HAUS4: variants seen among roughly 807,000 people sequenced by gnomAD.
HAUS4 encodes the protein HAUS augmin like complex subunit 4, also known as HAUS augmin-like complex subunit 4.
In HAUS4, 34 loss-of-function variants were observed where a neutral mutation model predicts 50.6. That is an observed-to-expected ratio of 0.67 (90% CI 0.51 to 0.90). The LOEUF is 0.90. Among genes scored for constraint, HAUS4 ranks in the 40% least tolerant of loss-of-function variants. The pLI is 0.00. For missense variants in HAUS4, 370 were observed against 428.7 expected (o/e 0.86, Z 1.21); for synonymous variants, 149 against 161.4 (o/e 0.92, Z 0.58).
rs2044837054 is a variant in HAUS4, at chr14:22,955,185, C to T, written c.-22-9G>A. ...TTTCTTGGGATTCTAATCTGTGGAA[C>T]CAAGAAGTGAAAGAAAACAAAAAGA... On this transcript the variant is annotated splice_polypyrimidine_tract_variant and intron_variant, in intron 1 of 9. Transcript: ENST00000541587. 1 of 1,544,754 alleles carries T rather than the reference C, an allele frequency of 6.5e-7. No individual in the cohort carries two copies. The highest frequency in any genetic ancestry group is 1.1e-5 in the South Asian group (1 of 89,750).
In HAUS4 at chr14:22,952,497, TC is replaced by T. The variant is rs774996543; in HGVS notation, c.199-39del. 453 of 1,613,386 alleles carry T rather than the reference TC, an allele frequency of 2.8e-4. 3 individuals carry two copies. Among genetic ancestry groups the T allele is most frequent in the Non-Finnish European group, 3.8e-4 (449 of 1,179,618 alleles). ...AAAATCTCAGGTAGGAACCTCTCTCTCAGGATTTTCCCTTCTTCTTATCTCT... is the reference window on the plus strand; with the variant it reads ...AAAATCTCAGGTAGGAACCTCTCTCTAGGATTTTCCCTTCTTCTTATCTCT... On this transcript the variant is annotated intron_variant, in intron 3 of 9. Transcript: ENST00000541587.
chr14:22,954,899 G>A (rs889048674), intron 2 of HAUS4, among the ~76,000 whole-genome samples: 2 of 151,842 alleles, frequency 1.3e-5, no homozygotes, highest in African/African-American at 2.4e-5. Context: ...CTAATTTTTC[G>A]TATTTTTAGT....
At position 22,951,644 on chromosome 14, in the gene HAUS4, G is replaced by C; in HGVS notation, c.376C>G (p.Arg126Gly). ...CTCTCCTGGCTAGGACCTAAGAGCC[G>C]CATCAGTTCAGTTACAAGCAGCCGC... is the stretch of plus-strand genomic sequence containing the variant. ...EQRLLVTELM[R>G]LLGPSQEREI... The change falls in exon 5 of 10, where the codon CGG (arginine) becomes GGG (glycine). Residue 126 changes from arginine (R) to glycine (G), a missense_variant. Transcript: ENST00000541587. 1 of 1,613,858 alleles carries C rather than the reference G, an allele frequency of 6.2e-7. No homozygotes were observed. The highest frequency in any genetic ancestry group is 8.5e-7 in the Non-Finnish European group (1 of 1,179,852).
chr14:22,954,434 A>G (rs1369597085), intron 2 of HAUS4: 1 of 152,246 alleles, frequency 6.6e-6, no homozygotes, highest in Non-Finnish European at 1.5e-5. Flanking sequence ...AACTCAGGAT[A>G]TAGAAGGATC....
intron 6 of HAUS4, among the ~76,000 whole-genome samples, chr14:22,949,435 AG>A (rs1167780090): frequency 3.7e-4 from 56 of 150,422 alleles, no homozygotes; most frequent in African/African-American, 1.3e-3. Context: ...AGGCTGAGGC[AG>A]GAGAATGGCG....
At chr14:22,950,115 C>G (rs1430867464) in intron 6 of HAUS4, among the ~76,000 whole-genome samples, 199 bp downstream of exon 6, 1 of 121,088 alleles carries the variant, frequency 8.3e-6, no homozygotes, top group African/African-American at 3.1e-5. Context: ...GCAACAGGAG[C>G]AAAACGCCAT....
In HAUS4 at chr14:22,947,180, C is replaced by T. The variant is rs762041209; in HGVS notation, c.899G>A (p.Arg300His). ...TCTTAGGAGTTCTCACCTAATCAGA[C>T]GATGAACTTCCACTTTCTCAACAGT... ...TYTVEKVEVH[R>H]LIRDRLEGAI... Residue 300 changes from arginine (R) to histidine (H), a missense_variant, in exon 9 of 10, where the codon CGT (arginine) becomes CAT (histidine). Arg to His is a conservative substitution (Grantham distance 29). Transcript: ENST00000541587. The T allele has an allele frequency of 1.1e-5, 17 of 1,592,262 alleles. No homozygotes were observed. Among genetic ancestry groups the T allele is most frequent in the Admixed American group, 1.0e-4 (6 of 59,878 alleles).
At chr14:22,947,110 GAGTTT>G (rs2139288767) in intron 9 of HAUS4, 56 bp downstream of exon 9, 3 of 1,089,080 alleles carry the variant, frequency 2.8e-6, no homozygotes, top group Non-Finnish European at 2.9e-6. Flanking sequence ...TTAAATAAAC[GAGTTT>G]AGGGAATGTG....
intron 2 of HAUS4, among the ~76,000 whole-genome samples, chr14:22,953,834 G>A (rs1229369597): frequency 7.4e-6 from 1 of 134,392 alleles, no homozygotes; most frequent in East Asian, 2.1e-4. Flanking sequence ...GTTTCACCTT[G>A]TTAGCCAGGA....
chr14:22,951,441 C>T lies in HAUS4; in HGVS notation c.465+114G>A. 5 of 1,221,296 alleles carry T rather than the reference C, an allele frequency of 4.1e-6. No individual in the cohort carries two copies. The South Asian group carries it at 6.5e-5, about 16-fold the overall frequency. The allele number at this position is 1,221,296 out of a possible 1,614,324, so 75.7% of individuals were successfully genotyped here. ...GTTTTTCTTATTTGAGTCTGACCAC[C>T]CTGAATGTGTATCATTTTTACAAAA... On this transcript the variant is annotated intron_variant, in intron 5 of 9. Coordinates refer to ENST00000541587, the MANE Select transcript of HAUS4 (RefSeq NM_001166269.2).
intron 9 of HAUS4, among the ~76,000 whole-genome samples, 197 bp from the exon 10 acceptor site, chr14:22,946,905 T>C (rs746658482): frequency 6.6e-6 from 1 of 151,234 alleles, no homozygotes; most frequent in South Asian, 2.1e-4. Context: ...TGCCTCAGCC[T>C]CCCGAGTAGC....
intron 5 of HAUS4, 70 bp from the exon 6 acceptor site, chr14:22,950,480 A>G: frequency 1.1e-6 from 1 of 879,688 alleles, no homozygotes; most frequent in Non-Finnish European, 1.9e-6. Flanking sequence ...GCCAATGAAT[A>G]CATGATGATA....
At chr14:22,953,474 T>C (rs925487250) in intron 2 of HAUS4, among the ~76,000 whole-genome samples, 1 of 150,674 alleles carries the variant, frequency 6.6e-6, no homozygotes, top group African/African-American at 2.4e-5. Flanking sequence ...AGATGGAGTT[T>C]TGCTCTTGTT....
At chr14:22,949,304 T>G (rs1009459517) in intron 6 of HAUS4, among the ~76,000 whole-genome samples, 1 of 150,220 alleles carries the variant, frequency 6.7e-6, no homozygotes. Flanking sequence ...CCAAGGTGGG[T>G]AGATCATGAG....
In HAUS4 at chr14:22,946,716, C is replaced by T. The variant is rs896266738; in HGVS notation, c.909-8G>A. 1 of 1,597,124 alleles carries T rather than the reference C, an allele frequency of 6.3e-7. No individual in the cohort carries two copies. Among genetic ancestry groups the T allele is most frequent in the African/African-American group, 1.3e-5 (1 of 74,284 alleles). ...GCTCCCTCCAAACGGTCCCTAAGAG[C>T]CCGGGCAGAGAAGGCACAATATAAG... On this transcript the variant is annotated splice_region_variant and splice_polypyrimidine_tract_variant and intron_variant, in intron 9 of 9. Coordinates refer to ENST00000541587, the MANE Select transcript of HAUS4 (RefSeq NM_001166269.2).
chr14:22,952,476 T>C lies in HAUS4; in HGVS notation c.199-17A>G, dbSNP rs747357886. The C allele has an allele frequency of 5.6e-6, 9 of 1,613,894 alleles. No individual in the cohort carries two copies. The African/African-American group carries it at 8.0e-5, about 14-fold the overall frequency. ...CTTCCATGCCTAGAAATCCAAAAAATCTCAGGTAGGAACCTCTCTCTCAGG... is the reference window on the plus strand; with the variant it reads ...CTTCCATGCCTAGAAATCCAAAAAACCTCAGGTAGGAACCTCTCTCTCAGG... On this transcript the variant is annotated splice_polypyrimidine_tract_variant and intron_variant, in intron 3 of 9. Transcript: ENST00000541587.
intron 1 of HAUS4, among the ~76,000 whole-genome samples, chr14:22,955,739 T>G (rs1318039630): frequency 1.3e-5 from 2 of 152,040 alleles, no homozygotes; most frequent in East Asian, 3.8e-4. Context: ...AACAACTGGT[T>G]TTCACATAAC....
rs199776432 is a variant in HAUS4, at chr14:22,952,350, T to C, written c.308A>G (p.Asn103Ser). ...CACCTTTTTGTCCTCAGAAGTTACA[T>C]TTGTGTCTTGTATCTTCACATAGTA... The part of the protein sequence containing the change: ...VDYYVKIQDT[N>S]VTSEDKKFHE... Residue 103 changes from asparagine (N) to serine (S), a missense_variant, in exon 4 of 10, where the codon AAT (asparagine) becomes AGT (serine). Asn to Ser is a conservative substitution (Grantham distance 46). Transcript: ENST00000541587. 1 of 1,614,056 alleles carries C rather than the reference T, an allele frequency of 6.2e-7. No individual in the cohort carries two copies. Among genetic ancestry groups the C allele is most frequent in the Non-Finnish European group, 8.5e-7 (1 of 1,179,960 alleles).
intron 6 of HAUS4, among the ~76,000 whole-genome samples, chr14:22,948,501 C>A (rs76018212): frequency 2.2e-3 from 332 of 147,752 alleles, no homozygotes; most frequent in Non-Finnish European, 4.0e-3. Context: ...AATAAATTAT[C>A]TTCACTCTTA....
Sources: gnomAD v4.1 joint callset for allele counts (sites outside exome capture counted in the v4.1 genomes callset) on GRCh38, gnomAD v4.1.1 for gene constraint, MANE v1.5 for transcripts, NCBI Gene and HGNC (gene_info 2026-07-23, HGNC 2026-07-21) for gene names.